Variants in SHC4 observed in about 807,000 individuals in gnomAD.
SHC4 encodes SHC adaptor protein 4.
SHC4 carries 41 observed loss-of-function variants against 69.4 expected under a neutral mutation model. The observed-to-expected ratio is 0.59, with a 90% CI of 0.46 to 0.77. The LOEUF (loss-of-function observed/expected upper bound fraction) is 0.77. Ranked by LOEUF, SHC4 falls within the 30% of genes least tolerant of loss-of-function variation. The pLI is 0.00. For synonymous variants in SHC4, 318 were observed against 299.3 expected (o/e 1.06, Z -0.64); for missense variants, 777 against 783.8 (o/e 0.99, Z 0.10).
intron 6 of SHC4, among the ~76,000 whole-genome samples, chr15:48,863,134 T>C (rs75022449): frequency 0.05 from 7,502 of 151,344 alleles, 351 homozygotes; most frequent in East Asian, 0.23. Context: ...TCAAAGGTTT[T>C]GGATATTTTT....
chr15:48,958,756 G>C (rs1038296698), intron 1 of SHC4, among the ~76,000 whole-genome samples: 22 of 152,206 alleles, frequency 1.4e-4, no homozygotes, highest in African/African-American at 5.1e-4. Flanking sequence ...AATGTCTGCT[G>C]ATGGATGAAT....
intron 6 of SHC4, among the ~76,000 whole-genome samples, chr15:48,861,764 T>C (rs1042214321): frequency 1.1e-4 from 17 of 152,208 alleles, no homozygotes; most frequent in African/African-American, 3.9e-4. Context: ...CTTCCAGCCC[T>C]GGGTATCAAG....
At chr15:48,845,908 A>G (rs1241317500) in intron 9 of SHC4, among the ~76,000 whole-genome samples, 1 of 152,226 alleles carries the variant, frequency 6.6e-6, no homozygotes, top group African/African-American at 2.4e-5. Flanking sequence ...TACAACTTAT[A>G]CATTATTAAA....
At chr15:48,905,396 C>T (rs1261348920) in intron 2 of SHC4, among the ~76,000 whole-genome samples, 2 of 152,204 alleles carry the variant, frequency 1.3e-5, no homozygotes, top group African/African-American at 4.8e-5. Flanking sequence ...TCCCCCAGGG[C>T]ACACTCTGAG....
chr15:48,928,528 G>C (rs1462549430), intron 1 of SHC4, among the ~76,000 whole-genome samples: 1 of 152,148 alleles, frequency 6.6e-6, no homozygotes, highest in Non-Finnish European at 1.5e-5. Context: ...TGAGGAGAGT[G>C]TCAAAGTGAA....
intron 6 of SHC4, among the ~76,000 whole-genome samples, chr15:48,866,822 G>A (rs1899570713): frequency 6.6e-6 from 1 of 152,174 alleles, no homozygotes; most frequent in Non-Finnish European, 1.5e-5. Flanking sequence ...TGGGACAGCA[G>A]AGGATGTGGC....
At chr15:48,851,057 G>T in intron 9 of SHC4, 131 bp downstream of exon 9, 3 of 785,408 alleles carry the variant, frequency 3.8e-6, no homozygotes, top group Non-Finnish European at 6.1e-6. Context: ...GAAGCCTACA[G>T]TCAAAGGATT....
intron 1 of SHC4, among the ~76,000 whole-genome samples, chr15:48,958,639 C>T (rs561809833): frequency 3.3e-5 from 5 of 152,264 alleles, no homozygotes; most frequent in South Asian, 2.1e-4. Context: ...ACTGGTGCTG[C>T]GAGGGGGCTT....
At chr15:48,874,406 G>A (rs78301249) in intron 4 of SHC4, among the ~76,000 whole-genome samples, 5 of 152,232 alleles carry the variant, frequency 3.3e-5, no homozygotes, top group East Asian at 3.9e-4. Flanking sequence ...GTTAGGAACC[G>A]GGCTGCAGAG....
At chr15:48,889,597 C>T (rs1164471638) in intron 3 of SHC4, among the ~76,000 whole-genome samples, 1 of 152,258 alleles carries the variant, frequency 6.6e-6, no homozygotes, top group Non-Finnish European at 1.5e-5. Context: ...GTGGCCCCAG[C>T]ACTTTGGTAG....
At chr15:48,945,702 A>G (rs1901264507) in intron 1 of SHC4, among the ~76,000 whole-genome samples, 1 of 96,160 alleles carries the variant, frequency 1.0e-5, no homozygotes, top group African/African-American at 3.7e-5. Flanking sequence ...AGTCTCTGCC[A>G]GGGGTTGGAG....
In SHC4 at chr15:48,896,186, CTTTT is replaced by C. The variant is rs1272204219; in HGVS notation, c.657-5379_657-5376del. 1.2e-4 allele frequency among the ~76,000 whole-genome samples: 19 copies of C among 152,038 alleles called. No homozygotes were observed. The South Asian group carries it at 2.1e-3, about 17-fold the overall frequency. Reference sequence around the variant, plus strand: ...CTATTTGTACAAACTTTCCTTCTTTCTTTTTCTTTCTTTCTTTCTTCCTTTCTTT... The same window carrying C: ...CTATTTGTACAAACTTTCCTTCTTTCTCTTTCTTTCTTTCTTCCTTTCTTT... On this transcript the variant is annotated intron_variant, in intron 2 of 11. Coordinates refer to ENST00000332408, the MANE Select transcript of SHC4 (RefSeq NM_203349.4).
At chr15:48,865,006 C>G (rs972322920) in intron 6 of SHC4, among the ~76,000 whole-genome samples, 1 of 152,170 alleles carries the variant, frequency 6.6e-6, no homozygotes, top group Non-Finnish European at 1.5e-5. Flanking sequence ...GCTGTAAGCT[C>G]TCATTACACT....
intron 1 of SHC4, among the ~76,000 whole-genome samples, chr15:48,926,273 T>C (rs1290728926): frequency 6.6e-6 from 1 of 152,110 alleles, no homozygotes; most frequent in Non-Finnish European, 1.5e-5. Context: ...TTAGAAATGT[T>C]ACTAGAGCTA....
At chr15:48,883,716 A>G (rs540962692) in intron 4 of SHC4, among the ~76,000 whole-genome samples, 1 of 152,390 alleles carries the variant, frequency 6.6e-6, no homozygotes, top group South Asian at 2.1e-4. Context: ...GGCACACCAC[A>G]GTACCATAAA....
intron 1 of SHC4, among the ~76,000 whole-genome samples, chr15:48,937,881 A>G (rs1413369272): frequency 6.6e-6 from 1 of 152,214 alleles, no homozygotes; most frequent in Non-Finnish European, 1.5e-5. Context: ...TGACCAAAAT[A>G]TTCCCAATAT....
intron 11 of SHC4, among the ~76,000 whole-genome samples, chr15:48,831,694 A>G (rs909169722): frequency 6.6e-6 from 1 of 152,236 alleles, no homozygotes; most frequent in African/African-American, 2.4e-5. Context: ...CCCCATTGTT[A>G]AGTGATATAT....
intron 2 of SHC4, among the ~76,000 whole-genome samples, chr15:48,893,315 AGTAGAAGAG>A: frequency 6.6e-6 from 1 of 152,338 alleles, no homozygotes; most frequent in East Asian, 1.9e-4. Flanking sequence ...AACATATGGT[AGTAGAAGAG>A]TGAATATTAA....
intron 8 of SHC4, among the ~76,000 whole-genome samples, chr15:48,851,591 C>T (rs541479701): frequency 6.6e-6 from 1 of 152,296 alleles, no homozygotes; most frequent in Admixed American, 6.5e-5. Context: ...CTGCTATAAA[C>T]ATTGGCCATG....
Sources: allele counts gnomAD v4.1 joint callset (sites outside exome capture counted in the v4.1 genomes callset), GRCh38; gene constraint gnomAD v4.1.1; transcripts MANE v1.5; gene names NCBI Gene and HGNC (gene_info 2026-07-23, HGNC 2026-07-21).